MALRD1: variants seen among roughly 807,000 people sequenced by gnomAD.
MALRD1 encodes MAM and LDL-receptor class A domain-containing protein 1.
MALRD1 carries 247 observed loss-of-function variants against 242.1 expected under a neutral mutation model. The ratio of observed to expected loss-of-function variants is 1.02; its 90% CI spans 0.92 to 1.13. The LOEUF is 1.13. Among genes scored for constraint, MALRD1 ranks in the 50% most tolerant of loss-of-function variants. The pLI is 0.00. For missense variants in MALRD1, 2,989 were observed against 2,533.1 expected, an observed-to-expected ratio of 1.18 and a Z score of -3.86; for synonymous variants, 995 against 866.6, an observed-to-expected ratio of 1.15 and a Z score of -2.60.
At chr10:19,347,190 A>G (rs987289891) in intron 24 of MALRD1, among the ~76,000 whole-genome samples, 5 of 152,202 alleles carry the variant, frequency 3.3e-5, no homozygotes, top group Non-Finnish European at 5.9e-5. Context: ...CAGTAATAAA[A>G]TACTTCAAAA....
intron 32 of MALRD1, among the ~76,000 whole-genome samples, chr10:19,558,838 A>G (rs1002184169): frequency 6.6e-6 from 1 of 152,190 alleles, no homozygotes; most frequent in Non-Finnish European, 1.5e-5. Flanking sequence ...TGTGCCTTTC[A>G]AGGAATTGGT....
chr10:19,719,183 T>TACACATAC (rs1834578678), intron 38 of MALRD1, among the ~76,000 whole-genome samples: 1 of 103,942 alleles, frequency 9.6e-6, no homozygotes, highest in African/African-American at 4.8e-5. Context: ...TACATATATA[T>TACACATAC]ATATATACAT....
chr10:19,262,807 C>T (rs543229153), intron 19 of MALRD1, among the ~76,000 whole-genome samples: 12 of 152,276 alleles, frequency 7.9e-5, no homozygotes, highest in African/African-American at 1.7e-4. Context: ...TTTCATCCCT[C>T]GACCTCTGCT....
At chr10:19,725,193 C>T (rs530020150) in intron 38 of MALRD1, among the ~76,000 whole-genome samples, 1 of 152,266 alleles carries the variant, frequency 6.6e-6, no homozygotes, top group South Asian at 2.1e-4. Flanking sequence ...ACCCAAATCT[C>T]ATCTTGAATT....
chr10:19,352,895 T>C (rs1292001326), intron 26 of MALRD1, among the ~76,000 whole-genome samples: 2 of 152,170 alleles, frequency 1.3e-5, no homozygotes, highest in African/African-American at 2.4e-5. Context: ...GCAAGCACCA[T>C]TAACCCATAT....
intron 26 of MALRD1, among the ~76,000 whole-genome samples, chr10:19,366,603 T>C (rs1049602533): frequency 2.6e-5 from 4 of 151,670 alleles, no homozygotes; most frequent in East Asian, 1.9e-4. Context: ...TATTGTTTAC[T>C]TGTTTATTTT....
At chr10:19,161,550 C>CAAAAAAAAAA in intron 12 of MALRD1, among the ~76,000 whole-genome samples, 5 of 60,834 alleles carry the variant, frequency 8.2e-5, no homozygotes, top group Non-Finnish European at 8.9e-5. Flanking sequence ...AAAAAAAAAG[C>CAAAAAAAAAA]AAAAAAAAAA....
intron 19 of MALRD1, among the ~76,000 whole-genome samples, chr10:19,275,625 C>T (rs1259088556): frequency 2.0e-5 from 3 of 151,796 alleles, no homozygotes; most frequent in Non-Finnish European, 4.4e-5. Context: ...GTGGAGATCG[C>T]GACACTGCAC....
At chr10:19,083,767 G>C (rs1447074610) in intron 2 of MALRD1, among the ~76,000 whole-genome samples, 1 of 151,916 alleles carries the variant, frequency 6.6e-6, no homozygotes, top group Non-Finnish European at 1.5e-5. Flanking sequence ...ACTGGAGAGT[G>C]GGCAATGAGA....
intron 29 of MALRD1, among the ~76,000 whole-genome samples, chr10:19,457,963 A>G (rs1835745846): frequency 6.6e-6 from 1 of 152,028 alleles, no homozygotes. Context: ...GGAAAAGAAT[A>G]TTTGTTAACT....
At chr10:19,048,178 C>A (rs116486907), upstream of MALRD1, among the ~76,000 whole-genome samples, 798 of 152,232 alleles carry the variant, frequency 5.2e-3, 10 homozygotes, top group African/African-American at 0.018. Context: ...TTCTTAGCAG[C>A]AGGATATTTG....
At chr10:19,479,686 A>G (rs776992678) in intron 29 of MALRD1, among the ~76,000 whole-genome samples, 8 of 152,184 alleles carry the variant, frequency 5.3e-5, no homozygotes, top group Non-Finnish European at 1.0e-4. Context: ...AACAAAATAG[A>G]TCCCAAAAAA....
chr10:19,452,824 A>G (rs962129678), intron 29 of MALRD1, among the ~76,000 whole-genome samples: 12 of 152,200 alleles, frequency 7.9e-5, no homozygotes, highest in Non-Finnish European at 1.6e-4. Flanking sequence ...TCAGAAAGGC[A>G]CTTTATCATA....
rs115162648 is a variant in MALRD1, at chr10:19,595,098, A to C, written c.5681-96A>C. The C allele has an allele frequency of 5.3e-4, 655 of 1,245,746 alleles. 3 individuals carry two copies. The highest frequency in any genetic ancestry group is 4.5e-3 in the African/African-American group (295 of 65,690). The allele number at this position is 1,245,746 out of a possible 1,614,324, so 77.2% of individuals were successfully genotyped here. A position where few individuals can be genotyped will look rare whatever the true frequency, so the allele number is the denominator to read the frequency against. ...TAATTTACTTCAATTAATAAAATTC[A>C]TTTTATACAATAAGAAATGCAACCT... On this transcript the variant is annotated intron_variant, in intron 33 of 39. Coordinates refer to ENST00000454679, the MANE Select transcript of MALRD1 (RefSeq NM_001142308.3).
At chr10:19,150,399 G>A (rs1377037059) in intron 11 of MALRD1, among the ~76,000 whole-genome samples, 1 of 150,716 alleles carries the variant, frequency 6.6e-6, no homozygotes, top group Admixed American at 6.6e-5. Flanking sequence ...ATTTAGGGGG[G>A]ACTGTCTGCA....
intron 33 of MALRD1, 59 bp downstream of exon 33, chr10:19,567,762 A>G: frequency 1.4e-6 from 2 of 1,407,520 alleles, no homozygotes; most frequent in Non-Finnish European, 9.7e-7. Context: ...TAAATATACT[A>G]AAGATTTGGG....
chr10:19,346,183 A>G (rs1844112797), intron 24 of MALRD1, among the ~76,000 whole-genome samples: 1 of 152,174 alleles, frequency 6.6e-6, no homozygotes, highest in South Asian at 2.1e-4. Flanking sequence ...AACTATAAGA[A>G]TGTATCTATA....
At chr10:19,548,842 A>C (rs1463835751) in intron 32 of MALRD1, among the ~76,000 whole-genome samples, 12 of 152,172 alleles carry the variant, frequency 7.9e-5, no homozygotes, top group Non-Finnish European at 1.8e-4. Flanking sequence ...CACTTCTCCT[A>C]CTTTAAATCA....
intron 36 of MALRD1, among the ~76,000 whole-genome samples, chr10:19,625,937 G>A (rs746761294): frequency 6.6e-6 from 1 of 151,918 alleles, no homozygotes. Context: ...ATATAACATA[G>A]TACTCAAGTG....
Sources: gnomAD v4.1 joint callset for allele counts (sites outside exome capture counted in the v4.1 genomes callset) on GRCh38, gnomAD v4.1.1 for gene constraint, MANE v1.5 for transcripts, NCBI Gene and HGNC (gene_info 2026-07-23, HGNC 2026-07-21) for gene names.